The following VAPB variants were observed in gnomAD, a reference collection of about 807,000 sequenced individuals.
The protein encoded by VAPB is VAMP associated protein B and C.
In VAPB, 7 loss-of-function variants were observed where a neutral mutation model predicts 25.6. That is an observed-to-expected ratio of 0.27 (90% CI 0.16 to 0.51). The LOEUF (loss-of-function observed/expected upper bound fraction) is 0.51. VAPB is among the 20% of genes least tolerant of loss of function. The pLI, the probability that VAPB is intolerant of heterozygous loss-of-function variation, is 0.97. For synonymous variants in VAPB, 112 were observed against 109.2 expected (o/e 1.03, Z -0.16); for missense variants, 266 against 301.3 (o/e 0.88, Z 0.87).
At chr20:58,413,413 C>T (rs1450551178) in intron 1 of VAPB, among the ~76,000 whole-genome samples, 1 of 152,026 alleles carries the variant, frequency 6.6e-6, no homozygotes, top group African/African-American at 2.4e-5. Context: ...GCCCTTAATC[C>T]ATTTAACCCT....
At chr20:58,395,968 CT>C (rs1006525452) in intron 1 of VAPB, among the ~76,000 whole-genome samples, 35 of 152,266 alleles carry the variant, frequency 2.3e-4, no homozygotes, top group African/African-American at 8.2e-4. Flanking sequence ...ATTTTTCAAA[CT>C]GTTAAATGCA....
chr20:58,437,280 CT>C (rs879755519), intron 3 of VAPB, among the ~76,000 whole-genome samples: 56 of 145,698 alleles, frequency 3.8e-4, no homozygotes, highest in Admixed American at 5.5e-4. Context: ...CTTTGAACTT[CT>C]TTTTTTTTTT....
rs141922760 is a variant in VAPB at position 58,417,017 on chromosome 20, G to A, written c.59-1194G>A. ...AATGATTTTGTTGAGTCAACATTAC[G>A]TATTTGTTTGTGAACACATAAGCGC... On this transcript the variant is annotated intron_variant, in intron 1 of 5. Transcript: ENST00000475243. Among the ~76,000 whole-genome samples, 5 of 152,260 alleles carry A rather than the reference G, an allele frequency of 3.3e-5. No homozygotes were observed. The South Asian group carries it at 6.2e-4, about 19-fold the overall frequency.
At chr20:58,440,363 A>G (rs1989134223) in intron 4 of VAPB, 1 of 157,812 alleles carries the variant, frequency 6.3e-6, no homozygotes, top group Non-Finnish European at 1.4e-5. Flanking sequence ...AGGGGATCAT[A>G]GCTGAATCTT....
intron 1 of VAPB, among the ~76,000 whole-genome samples, chr20:58,405,526 GATC>G (rs1193679719): frequency 2.0e-5 from 3 of 151,814 alleles, no homozygotes; most frequent in Non-Finnish European, 4.4e-5. Flanking sequence ...GTAGTGGCGC[GATC>G]TCGGTTCACT....
chr20:58,427,121 G>C (rs935447436), intron 2 of VAPB, among the ~76,000 whole-genome samples: 2 of 150,242 alleles, frequency 1.3e-5, no homozygotes, highest in Admixed American at 6.7e-5. Flanking sequence ...TCTGTGATCT[G>C]TTACCATTAT....
At chr20:58,408,086 G>T (rs1183376603) in intron 1 of VAPB, among the ~76,000 whole-genome samples, 2 of 152,124 alleles carry the variant, frequency 1.3e-5, no homozygotes, top group East Asian at 3.8e-4. Flanking sequence ...TGCTCTGAAA[G>T]ACCTAGGAAA....
intron 2 of VAPB, among the ~76,000 whole-genome samples, chr20:58,425,587 C>T (rs1988766918): frequency 6.6e-6 from 1 of 152,164 alleles, no homozygotes; most frequent in South Asian, 2.1e-4. Context: ...GACAGTCTCC[C>T]AATAAAGTAA....
At chr20:58,396,754 GA>G (rs1291560142) in intron 1 of VAPB, among the ~76,000 whole-genome samples, 1 of 152,234 alleles carries the variant, frequency 6.6e-6, no homozygotes, top group Non-Finnish European at 1.5e-5. Flanking sequence ...AACATTTCTA[GA>G]GGATAAATGC....
intron 2 of VAPB, among the ~76,000 whole-genome samples, chr20:58,427,443 T>C (rs34922743): frequency 0.4 from 52,679 of 131,160 alleles, 10,497 homozygotes; most frequent in East Asian, 0.55. Context: ...CGAAAGTGAT[T>C]CGTGATCTGT....
intron 2 of VAPB, among the ~76,000 whole-genome samples, chr20:58,419,561 T>G (rs1204031601): frequency 1.3e-5 from 2 of 152,206 alleles, no homozygotes; most frequent in Admixed American, 6.5e-5. Context: ...TCCATTTTAC[T>G]AAGAAGTAGA....
intron 2 of VAPB, among the ~76,000 whole-genome samples, chr20:58,429,969 G>A (rs1481918151): frequency 7.7e-6 from 1 of 130,684 alleles, no homozygotes; most frequent in African/African-American, 2.7e-5. Flanking sequence ...AGCTACTCAG[G>A]AGGCAAGGCA....
intron 2 of VAPB, among the ~76,000 whole-genome samples, chr20:58,425,123 A>C (rs942162928): frequency 1.3e-5 from 2 of 152,210 alleles, no homozygotes; most frequent in African/African-American, 4.8e-5. Context: ...CTTGGCATTT[A>C]TGTATCTGTG....
At chr20:58,437,526 A>T (rs2123094443) in intron 3 of VAPB, among the ~76,000 whole-genome samples, 1 of 152,250 alleles carries the variant, frequency 6.6e-6, no homozygotes, top group East Asian at 1.9e-4. Flanking sequence ...TTAATAGGTA[A>T]TCTGTGATAC....
intron 1 of VAPB, among the ~76,000 whole-genome samples, chr20:58,395,251 A>G (rs773839431): frequency 6.0e-5 from 9 of 150,822 alleles, no homozygotes; most frequent in Non-Finnish European, 1.0e-4. Context: ...TCCTGGGTTC[A>G]AACGATTCTC....
intron 1 of VAPB, among the ~76,000 whole-genome samples, chr20:58,393,009 C>T (rs1051455759): frequency 3.9e-5 from 6 of 152,130 alleles, no homozygotes; most frequent in Admixed American, 1.3e-4. Context: ...TAAGCTCTTT[C>T]AGACTAGGGG....
Position 58,441,052 on chromosome 20 carries a change from A to G in VAPB, c.542A>G (p.Gln181Arg), listed in dbSNP as rs760717241. 20 of 1,614,024 alleles carry G rather than the reference A, an allele frequency of 1.2e-5. No homozygotes were observed. In the Admixed American group the frequency reaches 3.3e-4, roughly 27 times the overall value. Residue 181 changes from glutamine to arginine, a missense_variant, in exon 5 of 6, where the codon CAG becomes CGG. By Grantham distance (43) the Gln-to-Arg change is conservative. Around this residue, in one of 3 missense-constraint regions of VAPB, gnomAD observed 136 missense variants for 130.7 expected, o/e 1.04. Transcript: ENST00000475243. Reference protein sequence around the residue: ...EECKRLQGEVQRLREENKQFK... With the variant: ...EECKRLQGEVRRLREENKQFK... ...TGTAAGAGGCTGCAAGGTGAAGTTC[A>G]GAGGCTACGGGAGGAGAACAAGCAG... is the stretch of plus-strand genomic sequence containing the variant.
chr20:58,423,449 A>AG (rs1988718489), intron 2 of VAPB, among the ~76,000 whole-genome samples: 1 of 134,046 alleles, frequency 7.5e-6, no homozygotes, highest in African/African-American at 2.8e-5. Context: ...AAAAAAAAAA[A>AG]GAAAAGAAAA....
intron 2 of VAPB, among the ~76,000 whole-genome samples, chr20:58,424,898 C>G (rs1436992721): frequency 6.6e-6 from 1 of 152,184 alleles, no homozygotes; most frequent in Non-Finnish European, 1.5e-5. Context: ...AAATGCAATT[C>G]ATTATTTATT....
Sources: allele counts gnomAD v4.1 joint callset (sites outside exome capture counted in the v4.1 genomes callset), GRCh38; gene constraint gnomAD v4.1.1; regional missense constraint gnomAD v4.1.1; transcripts MANE v1.5; gene names NCBI Gene and HGNC (gene_info 2026-07-23, HGNC 2026-07-21).